HOMER1: variants seen among roughly 807,000 people sequenced by gnomAD.
The protein encoded by HOMER1 is homer scaffold protein 1.
HOMER1 carries 3 observed loss-of-function variants against 48.9 expected under a neutral mutation model. That is an observed-to-expected ratio of 0.06 (90% confidence interval 0.03 to 0.16). HOMER1 has a LOEUF of 0.16. HOMER1 is among the 10% of genes least tolerant of loss of function. HOMER1 has a pLI of 1.00. For synonymous variants in HOMER1, 134 were observed against 146.4 expected, an observed-to-expected ratio of 0.92 and a Z score of 0.61; for missense variants, 247 against 411.4, an observed-to-expected ratio of 0.60 and a Z score of 3.46.
At chr5:79,450,018 TAAAGAA>T (rs1053683348) in intron 3 of HOMER1, among the ~76,000 whole-genome samples, 32 of 152,160 alleles carry the variant, frequency 2.1e-4, no homozygotes, top group Admixed American at 6.5e-4. Flanking sequence ...ATAATTTCTG[TAAAGAA>T]AAACAGCTTA....
intron 3 of HOMER1, among the ~76,000 whole-genome samples, chr5:79,449,685 G>A (rs948778501): frequency 6.6e-6 from 1 of 152,130 alleles, no homozygotes; most frequent in Admixed American, 6.5e-5. Context: ...ATGTTGACTA[G>A]GCCGGTCTTG....
At chr5:79,427,943 T>C (rs894418759) in intron 5 of HOMER1, among the ~76,000 whole-genome samples, 6 of 152,104 alleles carry the variant, frequency 3.9e-5, no homozygotes, top group African/African-American at 1.4e-4. Flanking sequence ...TGTACCCCCA[T>C]TCCCTCTCTA....
intron 1 of HOMER1, among the ~76,000 whole-genome samples, chr5:79,509,699 T>G (rs1479442755): frequency 1.3e-5 from 2 of 152,262 alleles, no homozygotes; most frequent in Non-Finnish European, 2.9e-5. Context: ...CTGTCAAGTT[T>G]CAGCTGTTCT....
chr5:79,490,994 G>GA (rs533225012), intron 1 of HOMER1, among the ~76,000 whole-genome samples: 287 of 120,494 alleles, frequency 2.4e-3, no homozygotes, highest in Non-Finnish European at 2.7e-3. Context: ...GGAAAAAAAG[G>GA]AAAAAAAATT....
Position 79,373,375 on chromosome 5 carries a change from C to T in HOMER1, c.*2634G>A, listed in dbSNP as rs1369507732. 6.6e-6 allele frequency: 1 copy of T among 151,486 alleles called. No homozygotes were observed. Among genetic ancestry groups the T allele is most frequent in the East Asian group, 1.9e-4 (1 of 5,176 alleles). The allele number at this position is 151,486 out of a possible 1,614,324, so 9.4% of individuals were successfully genotyped here. On this transcript the variant is annotated 3_prime_UTR_variant, in exon 9 of 9. Coordinates refer to ENST00000334082, the MANE Select transcript of HOMER1 (RefSeq NM_004272.5). ...CATATTAACTTATACACAATGGGAT[C>T]AACCTCCTCCTCCATGTCGCTTCAA...
Position 79,396,806 on chromosome 5 carries a change from T to A in HOMER1, c.876+17A>T, listed in dbSNP as rs780273806. On this transcript the variant is annotated intron_variant, in intron 8 of 8. Transcript: ENST00000334082. Reference sequence around the variant, plus strand: ...CTTTCTATGCAGAAGTGAATAACAATTTTTACTACAGCTCACCTGTAGTTT... The same window carrying A: ...CTTTCTATGCAGAAGTGAATAACAAATTTTACTACAGCTCACCTGTAGTTT... The A allele has an allele frequency of 5.3e-6, 8 of 1,507,070 alleles. No individual in the cohort carries two copies. In the South Asian group the frequency reaches 9.2e-5, roughly 17 times the overall value. The allele number at this position is 1,507,070 out of a possible 1,614,324, so 93.4% of individuals were successfully genotyped here.
intron 1 of HOMER1, among the ~76,000 whole-genome samples, chr5:79,491,366 G>C (rs565557741): frequency 1.0e-4 from 15 of 147,638 alleles, no homozygotes; most frequent in Non-Finnish European, 1.5e-5. Context: ...TAAAGCCCCG[G>C]AGGTTGAGGG....
chr5:79,451,351 A>G (rs2112293999), intron 2 of HOMER1, among the ~76,000 whole-genome samples: 1 of 152,274 alleles, frequency 6.6e-6, no homozygotes, highest in Middle Eastern at 3.4e-3. Context: ...TTTTACACTC[A>G]AATAAGTTTA....
chr5:79,512,269 A>C (rs1442084160), intron 1 of HOMER1, among the ~76,000 whole-genome samples: 2 of 152,216 alleles, frequency 1.3e-5, no homozygotes, highest in African/African-American at 2.4e-5. Flanking sequence ...AATTCTATAC[A>C]TTTTAGCTTT....
chr5:79,503,177 G>A (rs1378869439), intron 1 of HOMER1, among the ~76,000 whole-genome samples: 1 of 152,142 alleles, frequency 6.6e-6, no homozygotes, highest in African/African-American at 2.4e-5. Flanking sequence ...AACACATTTT[G>A]TATGTGTATT....
intron 5 of HOMER1, 47 bp downstream of exon 5, chr5:79,438,963 C>T (rs1670502132): frequency 7.1e-6 from 11 of 1,543,276 alleles, no homozygotes; most frequent in Non-Finnish European, 9.8e-6. Context: ...CAAACATTTC[C>T]ATATTTACAC....
intron 1 of HOMER1, among the ~76,000 whole-genome samples, chr5:79,477,917 T>A (rs1751829599): frequency 6.6e-6 from 1 of 151,924 alleles, no homozygotes; most frequent in Admixed American, 6.6e-5. Context: ...GAAATGTCAA[T>A]AGAAGATGAT....
At chr5:79,482,898 G>A (rs958937531) in intron 1 of HOMER1, among the ~76,000 whole-genome samples, 2 of 151,890 alleles carry the variant, frequency 1.3e-5, no homozygotes, top group African/African-American at 4.8e-5. Flanking sequence ...AGCTACTCAA[G>A]AGGCCGAGGT....
chr5:79,471,601 G>C (rs1053974159), intron 1 of HOMER1, among the ~76,000 whole-genome samples: 2 of 150,392 alleles, frequency 1.3e-5, no homozygotes, highest in Non-Finnish European at 3.0e-5. Flanking sequence ...TAAAGGCCTT[G>C]TGCCAGTGTT....
chr5:79,401,874 C>G, intron 6 of HOMER1, 25 bp downstream of exon 6: 1 of 1,611,986 alleles, frequency 6.2e-7, no homozygotes, highest in Non-Finnish European at 8.5e-7. Flanking sequence ...CCCTAAATCC[C>G]TATAGACATC....
In HOMER1 at chr5:79,373,639, A is replaced by G. The variant is rs982626330; in HGVS notation, c.*2370T>C. 6 of 151,204 alleles carry G rather than the reference A, an allele frequency of 4.0e-5. No homozygotes were observed. The highest frequency in any genetic ancestry group is 8.8e-5 in the Non-Finnish European group (6 of 67,862). 9.4% of individuals were successfully genotyped at this position (151,204 alleles called of 1,614,324 possible). A position where few individuals can be genotyped will look rare whatever the true frequency, so the allele number is the denominator to read the frequency against. ...CTGTAAATGAATAGTTAAAAGTCTTAAGAAGATTTTATTTATATGTGCACT... is the reference window on the plus strand; with the variant it reads ...CTGTAAATGAATAGTTAAAAGTCTTGAGAAGATTTTATTTATATGTGCACT... On this transcript the variant is annotated 3_prime_UTR_variant, in exon 9 of 9. Coordinates refer to ENST00000334082, the MANE Select transcript of HOMER1 (RefSeq NM_004272.5).
chr5:79,410,110 G>T (rs556498956), intron 5 of HOMER1, among the ~76,000 whole-genome samples: 194 of 152,076 alleles, frequency 1.3e-3, no homozygotes, highest in Non-Finnish European at 2.4e-3. Context: ...TAAAACATAG[G>T]TATTATAAAT....
chr5:79,465,487 G>A (rs1751432249), intron 1 of HOMER1, among the ~76,000 whole-genome samples: 1 of 149,848 alleles, frequency 6.7e-6, no homozygotes, highest in Admixed American at 6.7e-5. Context: ...TGATGTATTT[G>A]AAGAAAATAT....
chr5:79,506,455 T>TA (rs1752769642), intron 1 of HOMER1, among the ~76,000 whole-genome samples: 1 of 152,208 alleles, frequency 6.6e-6, no homozygotes, highest in African/African-American at 2.4e-5. Context: ...TATGAAATGC[T>TA]AAAATTAAGA....
Sources: gnomAD v4.1 joint callset for allele counts (sites outside exome capture counted in the v4.1 genomes callset) on GRCh38, gnomAD v4.1.1 for gene constraint, MANE v1.5 for transcripts, NCBI Gene and HGNC (gene_info 2026-07-23, HGNC 2026-07-21) for gene names.